Variants in STK32A observed in about 807,000 individuals in gnomAD.
The protein encoded by STK32A is serine/threonine kinase 32A, also known as serine/threonine-protein kinase 32A.
A neutral mutation model predicts 53.2 loss-of-function variants in STK32A; 41 were observed. The ratio of observed to expected loss-of-function variants is 0.77; its 90% CI spans 0.60 to 1.00. The LOEUF is 1.00. Among genes scored for constraint, STK32A ranks in the 50% least tolerant of loss-of-function variants. The probability of loss-of-function intolerance (pLI) is 0.00; values close to 1 mark genes in which losing one functional copy is unlikely to be tolerated. For missense variants in STK32A, 458 were observed against 485.8 expected (o/e 0.94, Z 0.54); for synonymous variants, 166 against 162.8 (o/e 1.02, Z -0.15).
intron 11 of STK32A, among the ~76,000 whole-genome samples, chr5:147,377,953 C>T (rs1195177): frequency 0.21 from 31,376 of 151,998 alleles, 4,398 homozygotes; most frequent in Non-Finnish European, 0.3. Context: ...TACTTTGCTT[C>T]AAAACAAAGA....
intron 11 of STK32A, chr5:147,375,511 T>C (rs758591195): frequency 2.9e-5 from 8 of 272,342 alleles, no homozygotes; most frequent in Non-Finnish European, 4.1e-5. Flanking sequence ...AGAGGAACTG[T>C]CATTGGCCAA....
intron 11 of STK32A, among the ~76,000 whole-genome samples, chr5:147,382,467 T>C (rs1204108391): frequency 1.3e-5 from 2 of 152,118 alleles, no homozygotes; most frequent in Non-Finnish European, 2.9e-5. Flanking sequence ...TTTTTTACTG[T>C]GAATGAGCCA....
intron 5 of STK32A, among the ~76,000 whole-genome samples, chr5:147,334,508 C>CT (rs931888113): frequency 4.6e-5 from 7 of 152,136 alleles, no homozygotes; most frequent in Non-Finnish European, 1.0e-4. Context: ...GGAGTCCTGA[C>CT]TTTTTCCATA....
chr5:147,386,710 T>C lies in STK32A; in HGVS notation c.*2727T>C, dbSNP rs189292632. ...GAGAGCACAGGCTCAGAGAGTAAGA[T>C]GGATTTCTAGTGCTAGCCAGGTGAA... On this transcript the variant is annotated 3_prime_UTR_variant, in exon 13 of 13. Transcript: ENST00000397936. The C allele has an allele frequency of 5.3e-5, 8 of 152,336 alleles. No homozygotes were observed. Among genetic ancestry groups the C allele is most frequent in the Middle Eastern group, 3.4e-3 (1 of 294 alleles). The allele number at this position is 152,336 out of a possible 1,614,324, so 9.4% of individuals were successfully genotyped here.
chr5:147,364,582 G>A (rs955345066), intron 8 of STK32A, among the ~76,000 whole-genome samples: 2 of 152,142 alleles, frequency 1.3e-5, no homozygotes, highest in Non-Finnish European at 2.9e-5. Context: ...TTAGGCAACA[G>A]AAATTTATTT....
rs116435069 is a variant in STK32A, at chr5:147,294,586, T to C, written c.260+15188T>C. On this transcript the variant is annotated intron_variant, in intron 4 of 12. Transcript: ENST00000397936. ...CTCTTTCATGCAAATGAAAAATTAC[T>C]GTCATTTCAACTCCCTTTACCAAAA... 9.8e-3 allele frequency among the ~76,000 whole-genome samples: 1,490 copies of C among 152,338 alleles called. 32 individuals are homozygous for C. Among genetic ancestry groups the C allele is most frequent in the African/African-American group, 0.034 (1,417 of 41,572 alleles).
chr5:147,367,312 T>C (rs1488974279), intron 8 of STK32A, among the ~76,000 whole-genome samples: 2 of 152,110 alleles, frequency 1.3e-5, no homozygotes, highest in Admixed American at 1.3e-4. Flanking sequence ...GCAATCCACC[T>C]GCCTTGGCCC....
chr5:147,292,178 G>C (rs1752629782), intron 4 of STK32A, among the ~76,000 whole-genome samples: 1 of 152,188 alleles, frequency 6.6e-6, no homozygotes, highest in Non-Finnish European at 1.5e-5. Flanking sequence ...TATCAGGTCA[G>C]TTTTCCAAAA....
At chr5:147,335,240 T>G (rs72831384) in intron 5 of STK32A, among the ~76,000 whole-genome samples, 4,592 of 152,304 alleles carry the variant, frequency 0.03, 86 homozygotes, top group Middle Eastern at 0.082. Context: ...ATTATTGTCC[T>G]CAGTTACAAA....
chr5:147,369,620 A>G (rs1756918871), intron 8 of STK32A, among the ~76,000 whole-genome samples: 1 of 152,070 alleles, frequency 6.6e-6, no homozygotes, highest in African/African-American at 2.4e-5. Flanking sequence ...ATTTTATATT[A>G]CCTCTTAACA....
intron 4 of STK32A, among the ~76,000 whole-genome samples, chr5:147,292,634 C>T (rs2151961757): frequency 6.6e-6 from 1 of 152,222 alleles, no homozygotes; most frequent in East Asian, 1.9e-4. Context: ...TTTGGGAGGC[C>T]AAGGCAGGTG....
intron 5 of STK32A, among the ~76,000 whole-genome samples, chr5:147,339,677 T>C (rs769928479): frequency 4.6e-5 from 7 of 152,260 alleles, no homozygotes; most frequent in Non-Finnish European, 7.3e-5. Flanking sequence ...CCCAAGGTTG[T>C]GGGAGCCCAC....
At chr5:147,303,789 A>T (rs1753259895) in intron 4 of STK32A, among the ~76,000 whole-genome samples, 1 of 152,168 alleles carries the variant, frequency 6.6e-6, no homozygotes, top group African/African-American at 2.4e-5. Context: ...TTGGCATATG[A>T]CCCTGATGAA....
intron 4 of STK32A, among the ~76,000 whole-genome samples, chr5:147,281,012 G>A (rs1752040917): frequency 6.6e-6 from 1 of 152,138 alleles, no homozygotes; most frequent in African/African-American, 2.4e-5. Context: ...GGCTAGCTGG[G>A]TGGCTAGACC....
chr5:147,298,927 G>C (rs549828000), intron 4 of STK32A, among the ~76,000 whole-genome samples: 1 of 152,256 alleles, frequency 6.6e-6, no homozygotes, highest in Admixed American at 6.5e-5. Flanking sequence ...GGGAGTATTT[G>C]GATACCGAGA....
chr5:147,257,515 G>A (rs1754287040), intron 2 of STK32A, among the ~76,000 whole-genome samples: 1 of 152,166 alleles, frequency 6.6e-6, no homozygotes, highest in South Asian at 2.1e-4. Flanking sequence ...AGAAGAAAGA[G>A]TAATAGAATA....
At chr5:147,370,273 T>C (rs1326231017) in intron 8 of STK32A, among the ~76,000 whole-genome samples, 1 of 152,170 alleles carries the variant, frequency 6.6e-6, no homozygotes, top group Non-Finnish European at 1.5e-5. Context: ...CATAATAATT[T>C]TTTAGACTTC....
chr5:147,351,173 T>C lies in STK32A; in HGVS notation c.562+19T>C. On this transcript the variant is annotated intron_variant, in intron 7 of 12. Coordinates refer to ENST00000397936, the MANE Select transcript of STK32A (RefSeq NM_001112724.2). ...TACATGGGTATGGGTTTCATGAGTGTCTTTTTTTTTTCTTTCCTGTAAATA... is the reference window on the plus strand; with the variant it reads ...TACATGGGTATGGGTTTCATGAGTGCCTTTTTTTTTTCTTTCCTGTAAATA... 1.3e-6 allele frequency: 2 copies of C among 1,590,950 alleles called. No homozygotes were observed. The highest frequency in any genetic ancestry group is 1.1e-5 in the South Asian group (1 of 88,114).
chr5:147,303,093 C>G (rs1455346426), intron 4 of STK32A, among the ~76,000 whole-genome samples: 2 of 152,144 alleles, frequency 1.3e-5, no homozygotes, highest in Non-Finnish European at 2.9e-5. Context: ...AACATACATA[C>G]ACATTTACAC....
Sources: gnomAD v4.1 joint callset for allele counts (sites outside exome capture counted in the v4.1 genomes callset) on GRCh38, gnomAD v4.1.1 for gene constraint, MANE v1.5 for transcripts, NCBI Gene and HGNC (gene_info 2026-07-23, HGNC 2026-07-21) for gene names.